YLPM1: variants seen among roughly 807,000 people sequenced by gnomAD.
YLPM1 encodes YLP motif containing 1.
Under a neutral mutation model 230.0 loss-of-function variants are expected in YLPM1, and 99 were observed. The ratio of observed to expected loss-of-function variants is 0.43; its 90% CI spans 0.37 to 0.51. The LOEUF is 0.51. Ranked by LOEUF, YLPM1 falls within the 20% of genes least tolerant of loss-of-function variation. The pLI, the probability that YLPM1 is intolerant of heterozygous loss-of-function variation, is 0.00. For missense variants in YLPM1, 2,592 were observed against 2,707.7 expected (o/e 0.96, Z 0.95); for synonymous variants, 984 against 942.5 (o/e 1.04, Z -0.81).
In YLPM1 at chr14:74,764,010, A is replaced by T. The variant is rs2090881236; in HGVS notation, c.521A>T (p.Tyr174Phe). The change falls in exon 1 of 21, where the codon TAC becomes TTC. Residue 174 changes from tyrosine to phenylalanine, a missense_variant. Physicochemically the swap from Tyr to Phe is conservative, Grantham distance 22 (BLOSUM62 3). Coordinates refer to ENST00000325680, the MANE Select transcript of YLPM1 (RefSeq NM_019589.3). ...CCCCCACCTCAGCCGCCACCCTCTT[A>T]CTACCCCCCGACCTCATCTCAGCCC... is the stretch of plus-strand genomic sequence containing the variant. ...YMPPPQPPPS[Y>F]YPPTSSQPYL... 1.9e-6 allele frequency: 3 copies of T among 1,570,674 alleles called. No homozygotes were observed. The highest frequency in any genetic ancestry group is 3.0e-5 in the African/African-American group (2 of 66,916).
intron 5 of YLPM1, among the ~76,000 whole-genome samples, chr14:74,799,928 C>A (rs1364752695): frequency 6.6e-6 from 1 of 152,098 alleles, no homozygotes; most frequent in Admixed American, 6.5e-5. Flanking sequence ...GCTGTCTTGG[C>A]CTTTGTAGAA....
At chr14:74,764,921 T>A (rs1229050267) in intron 1 of YLPM1, among the ~76,000 whole-genome samples, 1 of 152,238 alleles carries the variant, frequency 6.6e-6, no homozygotes, top group Non-Finnish European at 1.5e-5. Flanking sequence ...TATAGGTACA[T>A]ATACAATACA....
intron 2 of YLPM1, 67 bp downstream of exon 2, chr14:74,778,750 CT>C (rs1452632771): frequency 1.4e-6 from 2 of 1,387,322 alleles, no homozygotes; most frequent in Non-Finnish European, 1.9e-6. Context: ...ATTTAGTATA[CT>C]TTTATCATAA....
chr14:74,799,921 G>A (rs2091309156), intron 5 of YLPM1, among the ~76,000 whole-genome samples: 1 of 152,206 alleles, frequency 6.6e-6, no homozygotes, highest in African/African-American at 2.4e-5. Context: ...ATTGATTGCT[G>A]TCTTGGCCTT....
rs778467635 is a variant in YLPM1, at chr14:74,763,589, C to T, written c.100C>T (p.Pro34Ser). 15 of 1,588,742 alleles carry T rather than the reference C, an allele frequency of 9.4e-6. 1 individual carries two copies. Among genetic ancestry groups the T allele is most frequent in the Non-Finnish European group, 1.0e-5 (12 of 1,166,588 alleles). The change falls in exon 1 of 21, where the codon CCC becomes TCC. Residue 34 changes from proline (P) to serine (S), a missense_variant. Coordinates refer to ENST00000325680, the MANE Select transcript of YLPM1 (RefSeq NM_019589.3). ...GGCGCTTCCTGAGGCCTCGCCGGGG[C>T]CCGGGTACTCGAGCTCGACGACTCC... ...PVALPEASPGPGYSSSTTPAA... is the reference protein window; with the variant it reads ...PVALPEASPGSGYSSSTTPAA...
chr14:74,812,690 C>T lies in YLPM1; in HGVS notation c.5410C>T (p.Pro1804Ser). 6.2e-7 allele frequency: 1 copy of T among 1,613,444 alleles called. No homozygotes were observed. The highest frequency in any genetic ancestry group is 8.5e-7 in the Non-Finnish European group (1 of 1,179,642). ...PLPAPSLSHQ[P>S]PPAPRVEKKP... ...GCCAGCTCCTTCACTGAGCCACCAG[C>T]CTCCTCCAGCTCCACGAGTCGAGAA... Residue 1804 changes from proline to serine, a missense_variant, in exon 11 of 21, where the codon CCT becomes TCT. By Grantham distance (74) the Pro-to-Ser change is moderately conservative. Coordinates refer to ENST00000325680, the MANE Select transcript of YLPM1 (RefSeq NM_019589.3).
intron 19 of YLPM1, among the ~76,000 whole-genome samples, chr14:74,832,744 A>G (rs542176638): frequency 6.6e-4 from 100 of 152,320 alleles, no homozygotes; most frequent in African/African-American, 2.3e-3. Context: ...AAGTGCTGGG[A>G]TTACAGGCGT....
chr14:74,822,528 C>T (rs2091530236), intron 17 of YLPM1, among the ~76,000 whole-genome samples: 1 of 152,116 alleles, frequency 6.6e-6, no homozygotes, highest in East Asian at 1.9e-4. Flanking sequence ...AAGTGGCCTA[C>T]AATTTCAAGC....
intron 4 of YLPM1, among the ~76,000 whole-genome samples, chr14:74,783,236 T>G (rs970414571): frequency 6.6e-6 from 1 of 152,026 alleles, no homozygotes; most frequent in Non-Finnish European, 1.5e-5. Flanking sequence ...GGCCAGTTTT[T>G]AAAAAATACT....
intron 5 of YLPM1, among the ~76,000 whole-genome samples, chr14:74,800,809 T>C (rs925581125): frequency 6.6e-6 from 1 of 152,250 alleles, no homozygotes; most frequent in Non-Finnish European, 1.5e-5. Flanking sequence ...TTTTAAGTTA[T>C]AGACACCTTT....
At chr14:74,764,825 C>T (rs192860473) in intron 1 of YLPM1, among the ~76,000 whole-genome samples, 1 of 152,040 alleles carries the variant, frequency 6.6e-6, no homozygotes, top group Admixed American at 6.6e-5. Context: ...TACTTAGGGG[C>T]CAGGGATAGT....
At chr14:74,814,905 T>C (rs2140131229) in intron 11 of YLPM1, among the ~76,000 whole-genome samples, 1 of 152,352 alleles carries the variant, frequency 6.6e-6, no homozygotes, top group East Asian at 1.9e-4. Context: ...TCACTTGTTA[T>C]AGGTCTATTC....
chr14:74,814,906 A>G (rs554753966), intron 11 of YLPM1, among the ~76,000 whole-genome samples: 1 of 152,340 alleles, frequency 6.6e-6, no homozygotes, highest in African/African-American at 2.4e-5. Flanking sequence ...CACTTGTTAT[A>G]GGTCTATTCA....
chr14:74,767,098 G>T (rs1346877557), intron 1 of YLPM1, among the ~76,000 whole-genome samples: 1 of 151,844 alleles, frequency 6.6e-6, no homozygotes, highest in African/African-American at 2.4e-5. Flanking sequence ...TGGTCAGGCT[G>T]GTCTTGAACT....
chr14:74,782,112 A>C lies in YLPM1; in HGVS notation c.2069A>C (p.Gln690Pro). 6.2e-7 allele frequency: 1 copy of C among 1,613,886 alleles called. No homozygotes were observed. The highest frequency in any genetic ancestry group is 1.3e-5 in the African/African-American group (1 of 75,018). The change falls in exon 4 of 21, where the codon CAA becomes CCA. Residue 690 changes from glutamine (Q) to proline (P), a missense_variant. Physicochemically the swap from Gln to Pro is moderately conservative, Grantham distance 76 (BLOSUM62 -1). Transcript: ENST00000325680. ...APPTTYHPPL[Q>P]SAGPSEQVNS... is the part of the protein sequence containing the mutation. The stretch of plus-strand genomic sequence containing the variant: ...CCGACAACTTACCATCCTCCGTTGC[A>C]ATCAGCTGGTCCATCAGAACAAGTG...
At position 74,835,279 on chromosome 14, in the gene YLPM1, C is replaced by T. The variant is rs2091635266; in HGVS notation, c.6309C>T (p.Asp2103=). 6.2e-7 allele frequency: 1 copy of T among 1,613,498 alleles called. No homozygotes were observed. Among genetic ancestry groups the T allele is most frequent in the Non-Finnish European group, 8.5e-7 (1 of 1,179,650 alleles). ...GTTCTTTTTAGGTCAGATGGGCAGACCTGGAAGAGAAGAAGGATGCAGATA... is the reference window on the plus strand; with the variant it reads ...GTTCTTTTTAGGTCAGATGGGCAGATCTGGAAGAGAAGAAGGATGCAGATA... The part of the protein sequence containing the change: ...EPGKKRVRWA[D]LEEKKDADRK... The change falls in exon 20 of 21, where the codon GAC becomes GAT. Residue 2103 remains aspartate (D), a synonymous_variant. Transcript: ENST00000325680.
chr14:74,810,115 T>C (rs1566759183), intron 8 of YLPM1, 110 bp from the exon 9 acceptor site: 2 of 1,463,914 alleles, frequency 1.4e-6, no homozygotes, highest in Non-Finnish European at 1.8e-6. Flanking sequence ...AAAAGATTCT[T>C]AGTTGAATTT....
chr14:74,834,050 A>G (rs1038193393), intron 19 of YLPM1, among the ~76,000 whole-genome samples: 3 of 152,132 alleles, frequency 2.0e-5, no homozygotes, highest in Non-Finnish European at 4.4e-5. Context: ...TTTTAAAAAC[A>G]TATTAACATA....
At chr14:74,770,441 T>C (rs898755168) in intron 1 of YLPM1, among the ~76,000 whole-genome samples, 3 of 151,704 alleles carry the variant, frequency 2.0e-5, no homozygotes. Context: ...CTGGCCAACA[T>C]GGTGAAATTC....
Sources: allele counts gnomAD v4.1 joint callset (sites outside exome capture counted in the v4.1 genomes callset), GRCh38; gene constraint gnomAD v4.1.1; transcripts MANE v1.5; gene names NCBI Gene and HGNC (gene_info 2026-07-23, HGNC 2026-07-21).